Variants in SHROOM3 observed in about 807,000 individuals in gnomAD.
SHROOM3 encodes the protein protein Shroom3.
In SHROOM3, 47 loss-of-function variants were observed where a neutral mutation model predicts 138.6. That is an observed-to-expected ratio of 0.34 (90% CI 0.27 to 0.43). SHROOM3 has a LOEUF of 0.43. SHROOM3 is among the 20% of genes least tolerant of loss of function. SHROOM3 has a pLI of 1.00. For synonymous variants in SHROOM3, 1,062 were observed against 1,063.3 expected (o/e 1.00, Z 0.02); for missense variants, 2,491 against 2,596.5 (o/e 0.96, Z 0.88).
chr4:76,724,351 T>C (rs940664107), intron 3 of SHROOM3, among the ~76,000 whole-genome samples: 1 of 152,206 alleles, frequency 6.6e-6, no homozygotes, highest in African/African-American at 2.4e-5. Flanking sequence ...AATGTAAAAT[T>C]AGTATGCCAT....
chr4:76,732,247 G>A (rs555822095), intron 4 of SHROOM3, among the ~76,000 whole-genome samples: 1 of 152,272 alleles, frequency 6.6e-6, no homozygotes, highest in East Asian at 1.9e-4. Context: ...CGCAAGTGTT[G>A]GTATGTGTGT....
At chr4:76,503,140 T>C (rs1732134882) in intron 1 of SHROOM3, among the ~76,000 whole-genome samples, 1 of 148,938 alleles carries the variant, frequency 6.7e-6, no homozygotes. Context: ...CATTTTCATA[T>C]GTATTTTAGA....
intron 2 of SHROOM3, among the ~76,000 whole-genome samples, chr4:76,686,754 A>G (rs570288074): frequency 3.3e-4 from 50 of 152,262 alleles, no homozygotes; most frequent in Middle Eastern, 3.4e-3. Context: ...ACAGGTTATT[A>G]TATTTATCTT....
At position 76,752,793 on chromosome 4, in the gene SHROOM3, G is replaced by A. The variant is rs568798402; in HGVS notation, c.3828-1518G>A. The stretch of plus-strand genomic sequence containing the variant: ...AAAAACATCATATAAAAGTCTATTG[G>A]GCTGGATCTTTAAAGGATAAGTGCT... On this transcript the variant is annotated intron_variant, in intron 6 of 10. Coordinates refer to ENST00000296043, the MANE Select transcript of SHROOM3 (RefSeq NM_020859.4). Among the ~76,000 whole-genome samples, 81 of 152,200 alleles carry A rather than the reference G, an allele frequency of 5.3e-4. 2 individuals carry two copies. In the South Asian group the frequency reaches 0.016, roughly 31 times the overall value.
intron 1 of SHROOM3, among the ~76,000 whole-genome samples, chr4:76,468,110 A>T (rs1162540525): frequency 6.6e-6 from 1 of 152,266 alleles, no homozygotes; most frequent in Non-Finnish European, 1.5e-5. Flanking sequence ...GCTGTTAACT[A>T]CAAGTCAGAG....
At chr4:76,699,270 A>G (rs192274822) in intron 2 of SHROOM3, among the ~76,000 whole-genome samples, 1 of 152,284 alleles carries the variant, frequency 6.6e-6, no homozygotes, top group Admixed American at 6.5e-5. Context: ...TTCTACACCA[A>G]TTCCAACTCG....
chr4:76,536,806 C>T (rs1426216080), intron 1 of SHROOM3, among the ~76,000 whole-genome samples: 1 of 152,154 alleles, frequency 6.6e-6, no homozygotes, highest in Non-Finnish European at 1.5e-5. Flanking sequence ...ACAGCCTTTG[C>T]TGAACTTATA....
intron 3 of SHROOM3, among the ~76,000 whole-genome samples, chr4:76,723,877 T>C (rs1195666035): frequency 6.6e-6 from 1 of 152,234 alleles, no homozygotes; most frequent in Non-Finnish European, 1.5e-5. Context: ...GAATGAATGA[T>C]GCTCTGACTT....
chr4:76,659,380 A>G (rs959964549), intron 2 of SHROOM3, among the ~76,000 whole-genome samples: 13 of 152,350 alleles, frequency 8.5e-5, no homozygotes, highest in African/African-American at 2.9e-4. Context: ...CCATCTAGCC[A>G]TCTGGGCTCC....
chr4:76,705,527 A>G (rs1720025585), intron 2 of SHROOM3, among the ~76,000 whole-genome samples: 1 of 152,168 alleles, frequency 6.6e-6, no homozygotes. Context: ...AGCAAATAAG[A>G]AAGCAGTCAG....
intron 2 of SHROOM3, among the ~76,000 whole-genome samples, chr4:76,693,511 G>A (rs1402726299): frequency 6.6e-6 from 1 of 151,208 alleles, no homozygotes; most frequent in Admixed American, 6.6e-5. Flanking sequence ...AGCCTCCCAA[G>A]TAGCTGGGAC....
At chr4:76,598,392 GCTT>G (rs1413151740) in intron 2 of SHROOM3, among the ~76,000 whole-genome samples, 3 of 152,166 alleles carry the variant, frequency 2.0e-5, no homozygotes, top group Non-Finnish European at 4.4e-5. Context: ...AAAGATGAAA[GCTT>G]CTTGTAGGAG....
At chr4:76,555,788 C>G in intron 2 of SHROOM3, 25 bp downstream of exon 2, 2 of 1,607,572 alleles carry the variant, frequency 1.2e-6, no homozygotes, top group Non-Finnish European at 1.7e-6. Flanking sequence ...CCCACCCTGT[C>G]CCTCCTACCA....
intron 2 of SHROOM3, among the ~76,000 whole-genome samples, chr4:76,678,133 G>A (rs1435401896): frequency 3.3e-5 from 5 of 152,182 alleles, no homozygotes; most frequent in Non-Finnish European, 5.9e-5. Flanking sequence ...GTAAACAGGA[G>A]CTACATTTAA....
intron 2 of SHROOM3, among the ~76,000 whole-genome samples, chr4:76,620,207 AG>A (rs1395789530): frequency 6.6e-6 from 1 of 152,114 alleles, no homozygotes; most frequent in African/African-American, 2.4e-5. Context: ...CAATTTGGGA[AG>A]ACAGTCTGGG....
intron 2 of SHROOM3, among the ~76,000 whole-genome samples, chr4:76,564,101 C>T (rs1733650889): frequency 6.6e-6 from 1 of 152,182 alleles, no homozygotes; most frequent in Non-Finnish European, 1.5e-5. Context: ...CCCTCCCATG[C>T]CCCGCTCTGC....
chr4:76,626,352 C>A (rs778650695), intron 2 of SHROOM3, among the ~76,000 whole-genome samples: 1 of 152,116 alleles, frequency 6.6e-6, no homozygotes, highest in East Asian at 1.9e-4. Context: ...TTAAATAAGA[C>A]AAGTTGAGTT....
Position 76,739,584 on chromosome 4 carries a change from C to T in SHROOM3, c.1411C>T (p.Pro471Ser). 6.2e-7 allele frequency: 1 copy of T among 1,614,200 alleles called. No individual in the cohort carries two copies. The change falls in exon 5 of 11, where the codon CCT becomes TCT. Residue 471 changes from proline to serine, a missense_variant. Around this residue, in one of 4 missense-constraint regions of SHROOM3, gnomAD observed 1,733 missense variants for 1,661.6 expected, o/e 1.04. Coordinates refer to ENST00000296043, the MANE Select transcript of SHROOM3 (RefSeq NM_020859.4). ...PLLPTSIYPV[P>S]SLEPHFAQVP... is the part of the protein sequence containing the mutation. ...GCTGCCGACCAGCATCTACCCGGTA[C>T]CTTCCCTGGAGCCACACTTTGCCCA...
intron 3 of SHROOM3, among the ~76,000 whole-genome samples, chr4:76,712,127 A>G (rs1042051735): frequency 6.6e-6 from 1 of 152,230 alleles, no homozygotes. Context: ...TGTCAGTGCC[A>G]AAGCTCAAGG....
Sources: gnomAD v4.1 joint callset for allele counts (sites outside exome capture counted in the v4.1 genomes callset) on GRCh38, gnomAD v4.1.1 for gene constraint, gnomAD v4.1.1 regional missense constraint, MANE v1.5 for transcripts, NCBI Gene and HGNC (gene_info 2026-07-23, HGNC 2026-07-21) for gene names.